EPC1: variants seen among roughly 807,000 people sequenced by gnomAD.
EPC1 encodes the protein enhancer of polycomb homolog 1.
In EPC1, 12 loss-of-function variants were observed where a neutral mutation model predicts 98.4. That is an observed-to-expected ratio of 0.12 (90% CI 0.08 to 0.20). EPC1 has a LOEUF of 0.20. EPC1 is among the 10% of genes least tolerant of loss of function. The pLI is 1.00. For missense variants in EPC1, 729 were observed against 990.5 expected, an observed-to-expected ratio of 0.74 and a Z score of 3.54; for synonymous variants, 357 against 363.9, an observed-to-expected ratio of 0.98 and a Z score of 0.21.
chr10:32,324,978 C>T (rs955351866), intron 1 of EPC1, among the ~76,000 whole-genome samples: 11 of 151,684 alleles, frequency 7.3e-5, no homozygotes, highest in African/African-American at 2.7e-4. Flanking sequence ...CCAGCCAGGG[C>T]GACAGAGTGA....
chr10:32,357,033 A>G (rs1839300371), intron 1 of EPC1, among the ~76,000 whole-genome samples: 1 of 152,140 alleles, frequency 6.6e-6, no homozygotes, highest in Non-Finnish European at 1.5e-5. Flanking sequence ...GTGATTTCCC[A>G]GTACCCTCCT....
At chr10:32,326,517 A>G (rs11599044) in intron 1 of EPC1, among the ~76,000 whole-genome samples, 22,937 of 152,160 alleles carry the variant, frequency 0.15, 2,042 homozygotes, top group South Asian at 0.33. Context: ...CTTGGTTATC[A>G]CAGCATATCC....
At chr10:32,356,754 G>A (rs973456102) in intron 1 of EPC1, among the ~76,000 whole-genome samples, 2 of 152,170 alleles carry the variant, frequency 1.3e-5, no homozygotes, top group Non-Finnish European at 2.9e-5. Flanking sequence ...GGAGGCCGAG[G>A]CGGGCGGATC....
chr10:32,273,155 T>G lies in EPC1; in HGVS notation c.1863+8A>C. ...GAGGGATAATCATAAGACAGACAAA[T>G]CCCTCACCTGTGATGTGTTGGTGGA... is the stretch of plus-strand genomic sequence containing the variant. On this transcript the variant is annotated splice_region_variant and intron_variant, in intron 11 of 13. Transcript: ENST00000319778. 1 of 1,614,056 alleles carries G rather than the reference T, an allele frequency of 6.2e-7. No individual in the cohort carries two copies. Among genetic ancestry groups the G allele is most frequent in the Non-Finnish European group, 8.5e-7 (1 of 1,179,982 alleles).
intron 1 of EPC1, among the ~76,000 whole-genome samples, chr10:32,364,963 A>C (rs1482571421): frequency 6.6e-6 from 1 of 150,586 alleles, no homozygotes; most frequent in Non-Finnish European, 1.5e-5. Flanking sequence ...TTTTGGCCCA[A>C]GAGGATTCTG....
intron 6 of EPC1, among the ~76,000 whole-genome samples, chr10:32,288,533 T>C (rs1025157449): frequency 4.6e-5 from 7 of 151,908 alleles, no homozygotes; most frequent in African/African-American, 1.7e-4. Context: ...GTATTTTTAG[T>C]AGAGATGGGG....
rs546462764 is a variant in EPC1, at chr10:32,324,697, ACAAG to A, written c.154-18770_154-18767del. Among the ~76,000 whole-genome samples the A allele has an allele frequency of 2.0e-3, 311 of 151,952 alleles. 1 individual carries two copies. The highest frequency in any genetic ancestry group is 4.5e-3 in the Admixed American group (69 of 15,270). On this transcript the variant is annotated intron_variant, in intron 1 of 13. Transcript: ENST00000319778. ...AAAAAACAAACAAACAAACAAACAA[ACAAG>A]AACACATTTTAGCCGGGCGCGGTGG...
At chr10:32,286,549 C>CAA in intron 9 of EPC1, 145 bp downstream of exon 9, 1 of 998,692 alleles carries the variant, frequency 1.0e-6, no homozygotes, top group Non-Finnish European at 1.4e-6. Context: ...AGCACAGCAA[C>CAA]AAAAATATTT....
chr10:32,349,298 A>G (rs545887626), upstream of EPC1, among the ~76,000 whole-genome samples: 2 of 152,234 alleles, frequency 1.3e-5, no homozygotes, highest in Non-Finnish European at 2.9e-5. Flanking sequence ...AAACAACAAA[A>G]TAACTATTTC....
chr10:32,280,723 G>A (rs756146865), intron 10 of EPC1, among the ~76,000 whole-genome samples: 2 of 152,062 alleles, frequency 1.3e-5, no homozygotes, highest in Non-Finnish European at 2.9e-5. Flanking sequence ...GGGAGACAGA[G>A]CAAGACTCTG....
chr10:32,355,358 G>A (rs962545492), intron 1 of EPC1, among the ~76,000 whole-genome samples: 1 of 152,166 alleles, frequency 6.6e-6, no homozygotes, highest in Non-Finnish European at 1.5e-5. Flanking sequence ...TCTCTTCCAT[G>A]TCTCATCCCA....
intron 2 of EPC1, among the ~76,000 whole-genome samples, chr10:32,304,297 C>T (rs2132811544): frequency 6.6e-6 from 1 of 152,220 alleles, no homozygotes; most frequent in East Asian, 1.9e-4. Context: ...TTTTACTCAA[C>T]CTTGCTTTAA....
chr10:32,341,018 C>T (rs1176226160), intron 1 of EPC1, among the ~76,000 whole-genome samples: 1 of 152,140 alleles, frequency 6.6e-6, no homozygotes, highest in African/African-American at 2.4e-5. Context: ...GTATGTCATA[C>T]TTTCATATCA....
chr10:32,342,788 G>C (rs1838450763), intron 1 of EPC1, among the ~76,000 whole-genome samples: 1 of 152,144 alleles, frequency 6.6e-6, no homozygotes, highest in Non-Finnish European at 1.5e-5. Flanking sequence ...AACTACTGTG[G>C]AACAGTAGCT....
chr10:32,288,511 C>T (rs1030010988), intron 6 of EPC1, among the ~76,000 whole-genome samples: 4 of 151,702 alleles, frequency 2.6e-5, no homozygotes, highest in South Asian at 2.1e-4. Context: ...AATTTGCGCT[C>T]GCTAATTTTT....
At chr10:32,378,371 A>G in intron 1 of EPC1, 1 of 732,022 alleles carries the variant, frequency 1.4e-6, no homozygotes, top group Non-Finnish European at 2.2e-6. Context: ...TAGAACGTGC[A>G]GAGATCAAAG....
chr10:32,360,692 G>A (rs1839419001), intron 1 of EPC1, among the ~76,000 whole-genome samples: 1 of 152,120 alleles, frequency 6.6e-6, no homozygotes, highest in Non-Finnish European at 1.5e-5. Flanking sequence ...CCGGAAGTTC[G>A]AGACCAGCTT....
intron 1 of EPC1, among the ~76,000 whole-genome samples, chr10:32,378,098 A>T (rs558093181): frequency 1.3e-4 from 19 of 151,360 alleles, no homozygotes; most frequent in African/African-American, 2.2e-4. Context: ...AGGTCCATTT[A>T]AAAAAAAACT....
chr10:32,314,502 C>A (rs1466236757), intron 1 of EPC1, among the ~76,000 whole-genome samples: 1 of 152,180 alleles, frequency 6.6e-6, no homozygotes, highest in African/African-American at 2.4e-5. Context: ...GCAAGTCACC[C>A]TGCTATGTAT....
Sources: allele counts gnomAD v4.1 joint callset (sites outside exome capture counted in the v4.1 genomes callset), GRCh38; gene constraint gnomAD v4.1.1; transcripts MANE v1.5; gene names NCBI Gene and HGNC (gene_info 2026-07-23, HGNC 2026-07-21).